Variants in EPHB1 observed in about 807,000 individuals in gnomAD.
The protein encoded by EPHB1 is EPH receptor B1.
In EPHB1, 30 loss-of-function variants were observed where a neutral mutation model predicts 94.4. The ratio of observed to expected loss-of-function variants is 0.32; its 90% CI spans 0.24 to 0.43. EPHB1 has a LOEUF of 0.43. Ranked by LOEUF, EPHB1 falls within the 20% of genes least tolerant of loss-of-function variation. EPHB1 has a pLI of 1.00. For synonymous variants in EPHB1, 522 were observed against 489.1 expected (o/e 1.07, Z -0.89); for missense variants, 1,055 against 1,308.3 (o/e 0.81, Z 2.99).
At chr3:135,108,840 G>A (rs1045024832) in intron 4 of EPHB1, among the ~76,000 whole-genome samples, 2 of 152,182 alleles carry the variant, frequency 1.3e-5, no homozygotes, top group Non-Finnish European at 2.9e-5. Context: ...GAGCTTAGGG[G>A]ATAGCTAGAG....
chr3:135,225,184 C>A (rs1943364613), intron 12 of EPHB1, among the ~76,000 whole-genome samples: 1 of 152,216 alleles, frequency 6.6e-6, no homozygotes, highest in South Asian at 2.1e-4. Context: ...TCGTTTCACC[C>A]ACCCTTTGCC....
chr3:134,795,595 C>A lies in EPHB1; in HGVS notation c.-37C>A, dbSNP rs1435259817. The A allele has an allele frequency of 6.3e-7, 1 of 1,597,732 alleles. No individual in the cohort carries two copies. The highest frequency in any genetic ancestry group is 8.5e-7 in the Non-Finnish European group (1 of 1,172,950). Reference sequence around the variant, plus strand: ...CGCGGCGCTCTCCCGGCGCTGCTGCCTCGGCTTGGTCTCGGCCTGCGGGCC... The same window carrying A: ...CGCGGCGCTCTCCCGGCGCTGCTGCATCGGCTTGGTCTCGGCCTGCGGGCC... On this transcript the variant is annotated 5_prime_UTR_variant, in exon 1 of 16. Transcript: ENST00000398015.
chr3:134,952,638 A>C (rs1933081107), intron 3 of EPHB1, among the ~76,000 whole-genome samples: 1 of 152,204 alleles, frequency 6.6e-6, no homozygotes, highest in Non-Finnish European at 1.5e-5. Context: ...CAGGCCCTGG[A>C]AGGAGATGAA....
chr3:135,010,695 C>G (rs4082244), intron 3 of EPHB1, among the ~76,000 whole-genome samples: 38,596 of 151,496 alleles, frequency 0.25, 5,920 homozygotes, highest in Middle Eastern at 0.46. Flanking sequence ...TCGCAGGTAG[C>G]TGGGACTACA....
At chr3:134,814,886 T>A (rs2036240985) in intron 1 of EPHB1, among the ~76,000 whole-genome samples, 1 of 152,222 alleles carries the variant, frequency 6.6e-6, no homozygotes, top group Admixed American at 6.5e-5. Flanking sequence ...GGGCCAGGGC[T>A]TGGGTTCCCA....
At chr3:135,213,285 A>G (rs546911203) in intron 12 of EPHB1, among the ~76,000 whole-genome samples, 4 of 152,334 alleles carry the variant, frequency 2.6e-5, no homozygotes, top group South Asian at 2.1e-4. Context: ...TAAATCCACT[A>G]AACTAAGGAA....
At chr3:134,804,069 C>CTTTTTTTTTTT (rs1560240142) in intron 1 of EPHB1, among the ~76,000 whole-genome samples, 4 of 51,808 alleles carry the variant, frequency 7.7e-5, no homozygotes, top group Admixed American at 2.9e-4. Context: ...TCATTATTGG[C>CTTTTTTTTTTT]TATTTTTTTT....
Position 135,204,587 on chromosome 3 carries a change from G to A in EPHB1, c.2346+2898G>A, listed in dbSNP as rs563377068. ...GCGATCTCGGCTCATTGCAGCTTCC[G>A]CCTCCTGGGTTCAAGCGATCCTCCT... is the stretch of plus-strand genomic sequence containing the variant. On this transcript the variant is annotated intron_variant, in intron 12 of 15. Coordinates refer to ENST00000398015, the MANE Select transcript of EPHB1 (RefSeq NM_004441.5). Among the ~76,000 whole-genome samples, 13 of 151,942 alleles carry A rather than the reference G, an allele frequency of 8.6e-5. No individual in the cohort carries two copies. In the East Asian group the frequency reaches 1.2e-3, roughly 14 times the overall value.
At chr3:135,238,493 C>A (rs1943706942) in intron 12 of EPHB1, among the ~76,000 whole-genome samples, 1 of 152,210 alleles carries the variant, frequency 6.6e-6, no homozygotes, top group South Asian at 2.1e-4. Flanking sequence ...TCACTGACAG[C>A]CCCTGGGGTT....
intron 3 of EPHB1, among the ~76,000 whole-genome samples, chr3:135,072,540 C>G (rs577587360): frequency 9.2e-5 from 14 of 152,330 alleles, no homozygotes; most frequent in Admixed American, 8.5e-4. Context: ...TGCCCAGTCT[C>G]TGAGCTGCAG....
At chr3:134,809,804 G>A (rs2036134149) in intron 1 of EPHB1, among the ~76,000 whole-genome samples, 1 of 152,190 alleles carries the variant, frequency 6.6e-6, no homozygotes, top group Non-Finnish European at 1.5e-5. Flanking sequence ...ATAATCCAGT[G>A]GTTCCTGAAA....
At chr3:135,207,341 T>A (rs1422588162) in intron 12 of EPHB1, among the ~76,000 whole-genome samples, 5 of 152,178 alleles carry the variant, frequency 3.3e-5, no homozygotes, top group African/African-American at 9.7e-5. Flanking sequence ...ATAGAAAAAA[T>A]TATTTTTGAT....
intron 1 of EPHB1, among the ~76,000 whole-genome samples, chr3:134,853,098 G>T (rs961871903): frequency 6.6e-6 from 1 of 152,230 alleles, no homozygotes; most frequent in Non-Finnish European, 1.5e-5. Context: ...ACAAAGCTCA[G>T]AAGTGGAAGA....
chr3:134,844,130 T>A (rs1373243942), intron 1 of EPHB1, among the ~76,000 whole-genome samples: 1 of 152,252 alleles, frequency 6.6e-6, no homozygotes, highest in East Asian at 1.9e-4. Context: ...ATATGACCAC[T>A]TTTGTGTTGG....
At chr3:134,962,612 C>G (rs1232360532) in intron 3 of EPHB1, among the ~76,000 whole-genome samples, 1 of 152,208 alleles carries the variant, frequency 6.6e-6, no homozygotes, top group African/African-American at 2.4e-5. Context: ...CCTTCTGCCC[C>G]TGGGCCTGTG....
chr3:135,211,240 G>A (rs568629029), intron 12 of EPHB1, among the ~76,000 whole-genome samples: 1 of 152,184 alleles, frequency 6.6e-6, no homozygotes, highest in South Asian at 2.1e-4. Context: ...TGCTCTTTAT[G>A]TTATCATTGT....
chr3:135,049,408 C>CT (rs1362988765), intron 3 of EPHB1, among the ~76,000 whole-genome samples: 1 of 152,222 alleles, frequency 6.6e-6, no homozygotes, highest in Non-Finnish European at 1.5e-5. Flanking sequence ...ACAAAGGCTT[C>CT]TTCACTCACA....
chr3:134,879,192 G>T (rs923969779), intron 1 of EPHB1, among the ~76,000 whole-genome samples: 3 of 152,150 alleles, frequency 2.0e-5, no homozygotes, highest in African/African-American at 7.2e-5. Context: ...AAGGTGCTCA[G>T]AGCTGGCTAG....
chr3:135,182,789 A>G (rs2107705940), intron 10 of EPHB1, among the ~76,000 whole-genome samples: 1 of 152,336 alleles, frequency 6.6e-6, no homozygotes, highest in Non-Finnish European at 1.5e-5. Flanking sequence ...TGGACATGCT[A>G]TGCTGGACAG....
Sources: gnomAD v4.1 joint callset for allele counts (sites outside exome capture counted in the v4.1 genomes callset) on GRCh38, gnomAD v4.1.1 for gene constraint, MANE v1.5 for transcripts, NCBI Gene and HGNC (gene_info 2026-07-23, HGNC 2026-07-21) for gene names.